Variants in VIL1 observed in about 807,000 individuals in gnomAD.
The protein encoded by VIL1 is villin-1.
Under a neutral mutation model 104.0 loss-of-function variants are expected in VIL1, and 86 were observed. The observed-to-expected ratio is 0.83, with a 90% CI of 0.69 to 0.99. The LOEUF (loss-of-function observed/expected upper bound fraction) is 0.99, where lower values mean the gene tolerates loss of function less well. Among genes scored for constraint, VIL1 ranks in the 50% least tolerant of loss-of-function variants. The pLI is 0.00. For synonymous variants in VIL1, 394 were observed against 412.6 expected, an observed-to-expected ratio of 0.95 and a Z score of 0.55; for missense variants, 944 against 1,054.1, an observed-to-expected ratio of 0.90 and a Z score of 1.45.
At chr2:218,431,278 G>C in intron 10 of VIL1, 1 of 314,728 alleles carries the variant, frequency 3.2e-6, no homozygotes, top group Admixed American at 4.9e-5. Flanking sequence ...TTGAATTCAG[G>C]AGGCAGAGGC....
At chr2:218,448,863 G>A (rs1176089342) in intron 19 of VIL1, among the ~76,000 whole-genome samples, 1 of 151,950 alleles carries the variant, frequency 6.6e-6, no homozygotes, top group Admixed American at 6.6e-5. Flanking sequence ...AAGTTACCAG[G>A]GCATGGTGGC....
intron 8 of VIL1, 30 bp downstream of exon 8, chr2:218,429,705 C>T (rs201799421): frequency 3.7e-5 from 59 of 1,613,312 alleles, no homozygotes; most frequent in Non-Finnish European, 4.9e-5. Context: ...CCTCAGCCTA[C>T]TGCAGCCTGG....
Position 218,425,643 on chromosome 2 carries a change from A to G in VIL1, c.179A>G (p.Tyr60Cys), listed in dbSNP as rs868201962. Reference sequence around the variant, plus strand: ...CACAAGACAGCCAGCAGCCTGTCCTATGACATCCACTACTGGATTGGCCAG... The same window carrying G: ...CACAAGACAGCCAGCAGCCTGTCCTGTGACATCCACTACTGGATTGGCCAG... ...AIHKTASSLSYDIHYWIGQDS... is the reference protein window; with the variant it reads ...AIHKTASSLSCDIHYWIGQDS... Residue 60 changes from tyrosine (Y) to cysteine (C), a missense_variant, in exon 4 of 20, where the codon TAT becomes TGT. Transcript: ENST00000248444. 11 of 1,614,046 alleles carry G rather than the reference A, an allele frequency of 6.8e-6. No individual in the cohort carries two copies. Among genetic ancestry groups the G allele is most frequent in the Non-Finnish European group, 9.3e-6 (11 of 1,180,056 alleles).
chr2:218,434,793 C>G (rs752061086), intron 14 of VIL1, 88 bp downstream of exon 14: 57 of 1,417,128 alleles, frequency 4.0e-5, no homozygotes, highest in Non-Finnish European at 4.6e-5. Flanking sequence ...AGGGCAGGAA[C>G]CCCTGGCCAA....
intron 9 of VIL1, 62 bp downstream of exon 9, chr2:218,430,009 A>T: frequency 6.9e-7 from 1 of 1,457,844 alleles, no homozygotes; most frequent in Non-Finnish European, 9.5e-7. Flanking sequence ...GAGAGAGCAG[A>T]TAGCAGCATG....
At chr2:218,431,534 C>T (rs1689098533) in intron 10 of VIL1, among the ~76,000 whole-genome samples, 1 of 152,106 alleles carries the variant, frequency 6.6e-6, no homozygotes, top group Admixed American at 6.6e-5. Context: ...CAACATTGCA[C>T]AGCTCCCTAT....
rs533172113 is a variant in VIL1, at chr2:218,429,777, CT to C, written c.850-66del. On this transcript the variant is annotated intron_variant, in intron 8 of 19. Transcript: ENST00000248444. ...TTGGGGTGGGCCTGGGAGGGAGAGA[CT>C]TTTTTGTGTGTGAGGCTTTCCCAGT... 1,669 of 1,591,946 alleles carry C rather than the reference CT, an allele frequency of 1.0e-3. 16 individuals are homozygous for C. In the African/African-American group the frequency reaches 0.02, roughly 19 times the overall value.
chr2:218,429,968 G>T (rs779147094), intron 9 of VIL1, 21 bp downstream of exon 9: 1 of 1,565,342 alleles, frequency 6.4e-7, no homozygotes, highest in Admixed American at 1.7e-5. Context: ...GGGCGGGGGA[G>T]GGTCCAGGAG....
chr2:218,420,992 T>C (rs1193295330), intron 1 of VIL1, among the ~76,000 whole-genome samples: 1 of 152,122 alleles, frequency 6.6e-6, no homozygotes, highest in Non-Finnish European at 1.5e-5. Context: ...ACAGGTTATT[T>C]CATCACCATG....
At position 218,430,708 on chromosome 2, in the gene VIL1, A is replaced by G; in HGVS notation, c.949-17A>G. 1 of 1,565,364 alleles carries G rather than the reference A, an allele frequency of 6.4e-7. No homozygotes were observed. The highest frequency in any genetic ancestry group is 8.7e-7 in the Non-Finnish European group (1 of 1,153,592). On this transcript the variant is annotated splice_polypyrimidine_tract_variant and intron_variant, in intron 9 of 19. Transcript: ENST00000248444. ...TAGGGGAGGTGCATAGCTTCCAGCC[A>G]CCCCTTTCTCTTCCAGAACTTCATC...
In VIL1 at chr2:218,438,597, G is replaced by C. The variant is rs1689234176; in HGVS notation, c.2161-61G>C. 3.3e-6 allele frequency: 5 copies of C among 1,498,666 alleles called. No homozygotes were observed. In the African/African-American group the frequency reaches 5.5e-5, roughly 16 times the overall value. The allele number at this position is 1,498,666 out of a possible 1,614,324, so 92.8% of individuals were successfully genotyped here. ...TTCTTTTCATTCCTGAGGGAAAATG[G>C]CTTCTCATCCATCTCCTCTGCTGAG... On this transcript the variant is annotated intron_variant, in intron 17 of 19. Coordinates refer to ENST00000248444, the MANE Select transcript of VIL1 (RefSeq NM_007127.3).
At chr2:218,444,236 C>G (rs1176165042) in intron 19 of VIL1, among the ~76,000 whole-genome samples, 1 of 152,128 alleles carries the variant, frequency 6.6e-6, no homozygotes, top group Admixed American at 6.5e-5. Context: ...TCCCAAAGTG[C>G]TGGGATTATA....
At chr2:218,420,362 G>A (rs1296427880) in intron 1 of VIL1, among the ~76,000 whole-genome samples, 13 of 137,234 alleles carry the variant, frequency 9.5e-5, no homozygotes, top group Non-Finnish European at 2.0e-4. Flanking sequence ...CCAGGAGGCG[G>A]AGATGACAGT....
chr2:218,434,731 C>G, intron 14 of VIL1, 26 bp downstream of exon 14: 2 of 1,584,822 alleles, frequency 1.3e-6, no homozygotes, highest in Non-Finnish European at 1.7e-6. Context: ...AGAGGCCTCC[C>G]CATCCGCAAG....
chr2:218,439,249 A>C (rs2106395765), intron 18 of VIL1, among the ~76,000 whole-genome samples: 1 of 152,018 alleles, frequency 6.6e-6, no homozygotes, highest in Middle Eastern at 3.4e-3. Flanking sequence ...AAATTTTATC[A>C]TGCATAGAAG....
intron 1 of VIL1, among the ~76,000 whole-genome samples, chr2:218,422,305 G>A (rs757930425): frequency 6.6e-6 from 1 of 152,092 alleles, no homozygotes; most frequent in African/African-American, 2.4e-5. Context: ...AGAGACAAAG[G>A]TGATGACAGA....
rs765534464 is a variant in VIL1 at position 218,432,992 on chromosome 2, G to A, written c.1500+41G>A. On this transcript the variant is annotated intron_variant, in intron 13 of 19. Coordinates refer to ENST00000248444, the MANE Select transcript of VIL1 (RefSeq NM_007127.3). ...TGAGGTGTCTGGCAGTAACCACTGT[G>A]GCAAGACAGGCATCCGGGAGATGGA... The A allele has an allele frequency of 4.3e-6, 7 of 1,611,114 alleles. No individual in the cohort carries two copies. The East Asian group carries it at 1.3e-4, about 31-fold the overall frequency.
chr2:218,445,557 AC>A (rs1463473224), intron 19 of VIL1, among the ~76,000 whole-genome samples: 1 of 151,692 alleles, frequency 6.6e-6, no homozygotes. Context: ...GGAGCATCAG[AC>A]CCCCCTGAGG....
rs114244892 is a variant in VIL1 at position 218,437,387 on chromosome 2, G to A, written c.2160+75G>A. ...AGTGCTGATTCCTGCAGGCCATTCTGTCTCTTTGGGATATATGACCTGCTG... is the reference window on the plus strand; with the variant it reads ...AGTGCTGATTCCTGCAGGCCATTCTATCTCTTTGGGATATATGACCTGCTG... On this transcript the variant is annotated intron_variant, in intron 17 of 19. Coordinates refer to ENST00000248444, the MANE Select transcript of VIL1 (RefSeq NM_007127.3). 8.5e-4 allele frequency: 1,308 copies of A among 1,533,508 alleles called. 12 individuals are homozygous for A. The African/African-American group carries it at 0.016, about 19-fold the overall frequency. 95.0% of individuals were successfully genotyped at this position (1,533,508 alleles called of 1,614,324 possible). A position where few individuals can be genotyped will look rare whatever the true frequency, so the allele number is the denominator to read the frequency against.
Sources: allele counts gnomAD v4.1 joint callset (sites outside exome capture counted in the v4.1 genomes callset), GRCh38; gene constraint gnomAD v4.1.1; transcripts MANE v1.5; gene names NCBI Gene and HGNC (gene_info 2026-07-23, HGNC 2026-07-21).